The following MYH15 variants were observed in gnomAD, a reference collection of about 807,000 sequenced individuals.
MYH15 encodes the protein myosin-15.
In MYH15, 227 loss-of-function variants were observed where a neutral mutation model predicts 240.5. That is an observed-to-expected ratio of 0.94 (90% CI 0.85 to 1.05). MYH15 has a LOEUF of 1.05. Ranked by LOEUF, MYH15 falls within the 50% of genes least tolerant of loss-of-function variation. The pLI is 0.00. For missense variants in MYH15, 2,217 were observed against 2,247.5 expected (o/e 0.99, Z 0.27); for synonymous variants, 785 against 796.7 (o/e 0.99, Z 0.25).
rs2082539656 is a variant in MYH15 at position 108,405,468 on chromosome 3, T to TA, written c.4621-16dup. ...TCCAGGGCTCCCTGGAATACATAAA[T>TA]AAAAAGCATTAAATGAAGTCCACTT... On this transcript the variant is annotated splice_polypyrimidine_tract_variant and intron_variant, in intron 32 of 40. Transcript: ENST00000693548. 2 of 1,419,684 alleles carry TA rather than the reference T, an allele frequency of 1.4e-6. No individual in the cohort carries two copies. The highest frequency in any genetic ancestry group is 2.1e-5 in the Admixed American group (1 of 46,880). The allele number at this position is 1,419,684 out of a possible 1,614,324, so 87.9% of individuals were successfully genotyped here.
Position 108,421,092 on chromosome 3 carries a change from C to T in MYH15, c.3825G>A (p.Glu1275=). ...LAAQKTKLWS[E]SGEFLRRLEE... ...TCAAGCAGCATACTTACTTACCACT[C>T]TCACTCCACAGCTTTGTCTTTTGTG... The change falls in exon 28 of 41, where the codon GAG becomes GAA. Residue 1275 remains glutamate (E), a synonymous_variant. Transcript: ENST00000693548. The T allele has an allele frequency of 6.2e-7, 1 of 1,614,072 alleles. No individual in the cohort carries two copies. The highest frequency in any genetic ancestry group is 8.5e-7 in the Non-Finnish European group (1 of 1,179,940).
Position 108,460,514 on chromosome 3 carries a change from C to T in MYH15, c.1865-147G>A, listed in dbSNP as rs964709443. The T allele has an allele frequency of 5.5e-6, 3 of 543,020 alleles. No homozygotes were observed. In the African/African-American group the frequency reaches 5.7e-5, roughly 10 times the overall value. The allele number at this position is 543,020 out of a possible 1,614,324, so 33.6% of individuals were successfully genotyped here. ...ACCAAAAGCTTCAAAATATTTATGT[C>T]TTTTATCACAAAATGTATATTTTTA... is the stretch of plus-strand genomic sequence containing the variant. On this transcript the variant is annotated intron_variant, in intron 16 of 40. Coordinates refer to ENST00000693548, the MANE Select transcript of MYH15 (RefSeq NM_014981.3).
intron 12 of MYH15, among the ~76,000 whole-genome samples, chr3:108,473,943 T>G (rs761627019): frequency 9.9e-5 from 15 of 152,194 alleles, no homozygotes; most frequent in Non-Finnish European, 1.9e-4. Flanking sequence ...ATCTACAGTG[T>G]GCAGGACACT....
intron 9 of MYH15, among the ~76,000 whole-genome samples, chr3:108,486,930 A>G (rs988835307): frequency 6.6e-6 from 1 of 152,264 alleles, no homozygotes; most frequent in Non-Finnish European, 1.5e-5. Context: ...AATTATAAGT[A>G]GAACAGACCT....
At chr3:108,437,737 T>C in intron 24 of MYH15, 38 bp from the exon 25 acceptor site, 1 of 1,592,394 alleles carries the variant, frequency 6.3e-7, no homozygotes. Flanking sequence ...AATAAATAGG[T>C]AGAGTTTATA....
At chr3:108,416,094 ATGTC>A (rs2082630813) in intron 29 of MYH15, among the ~76,000 whole-genome samples, 1 of 152,216 alleles carries the variant, frequency 6.6e-6, no homozygotes, top group Non-Finnish European at 1.5e-5. Flanking sequence ...ATCTGGTACA[ATGTC>A]TGATGCACAA....
the MYH15 span, among the ~76,000 whole-genome samples, chr3:108,534,623 T>C: frequency 1.3e-5 from 2 of 151,978 alleles, no homozygotes; most frequent in Admixed American, 6.6e-5. Flanking sequence ...CTCAGCACTT[T>C]CGGAGATCAA....
At chr3:108,437,348 C>T (rs375448735) in intron 25 of MYH15, among the ~76,000 whole-genome samples, 2 of 151,600 alleles carry the variant, frequency 1.3e-5, no homozygotes, top group African/African-American at 4.9e-5. Context: ...TTTTCTGTTA[C>T]GTCCTTCTAG....
At chr3:108,394,228 C>G (rs986415473) in intron 35 of MYH15, 72 bp from the exon 36 acceptor site, 1 of 1,593,100 alleles carries the variant, frequency 6.3e-7, no homozygotes, top group Non-Finnish European at 8.6e-7. Flanking sequence ...CTGTTCAGGA[C>G]ATGCAATGGG....
intron 29 of MYH15, among the ~76,000 whole-genome samples, chr3:108,415,556 CA>C: frequency 6.6e-6 from 1 of 151,890 alleles, no homozygotes. Context: ...CTAAAGAGCC[CA>C]AAAGAAATAA....
intron 11 of MYH15, among the ~76,000 whole-genome samples, chr3:108,479,778 A>G (rs1205006597): frequency 6.6e-6 from 1 of 152,196 alleles, no homozygotes; most frequent in African/African-American, 2.4e-5. Flanking sequence ...GAAACTCAAA[A>G]AGGAATCTTT....
At chr3:108,531,494 G>C (rs2083710050), upstream of MYH15, among the ~76,000 whole-genome samples, 1 of 152,140 alleles carries the variant, frequency 6.6e-6, no homozygotes, top group Admixed American at 6.6e-5. Flanking sequence ...AATGGCCTCT[G>C]ATATGCTGGA....
rs2082334505 is a variant in MYH15, at chr3:108,380,524, G to GAACA, written c.*1017_*1020dup. The GAACA allele has an allele frequency of 6.6e-6, 1 of 152,326 alleles. No individual in the cohort carries two copies. The highest frequency in any genetic ancestry group is 1.5e-5 in the Non-Finnish European group (1 of 68,134). The allele number at this position is 152,326 out of a possible 1,614,324, so 9.4% of individuals were successfully genotyped here. A position where few individuals can be genotyped will look rare whatever the true frequency, so the allele number is the denominator to read the frequency against. Reference sequence around the variant, plus strand: ...AGCAAGGATGAAGGGAAGTCCATAAGAACAAACAGAACCCATGTCTGTCTC... The same window carrying GAACA: ...AGCAAGGATGAAGGGAAGTCCATAAGAACAAACAAACAGAACCCATGTCTGTCTC... On this transcript the variant is annotated 3_prime_UTR_variant, in exon 41 of 41. Transcript: ENST00000693548.
At chr3:108,471,056 G>T (rs930227423) in intron 12 of MYH15, among the ~76,000 whole-genome samples, 2 of 46,458 alleles carry the variant, frequency 4.3e-5, no homozygotes, top group Admixed American at 2.8e-4. Flanking sequence ...GGAGAAAGAG[G>T]AAGGAAGGGA....
the MYH15 span, chr3:108,543,765 GCTGGGT>G: frequency 2.0e-5 from 3 of 152,442 alleles, no homozygotes; most frequent in East Asian, 5.8e-4. Context: ...GCTTTTGCTT[GCTGGGT>G]CTTGCATCTG....
At chr3:108,522,317 T>C (rs1349268189) in intron 1 of MYH15, among the ~76,000 whole-genome samples, 1 of 152,060 alleles carries the variant, frequency 6.6e-6, no homozygotes, top group Non-Finnish European at 1.5e-5. Context: ...AAAGGGTAGA[T>C]AGGTGTGGTG....
chr3:108,445,044 TTGATTC>T, intron 21 of MYH15, 149 bp from the exon 22 acceptor site: 1 of 902,602 alleles, frequency 1.1e-6, no homozygotes, highest in Non-Finnish European at 1.6e-6. Flanking sequence ...GGACTTTCAC[TTGATTC>T]TGGCAAAAAC....
Position 108,426,650 on chromosome 3 carries a change from T to C in MYH15, c.3702+1842A>G, listed in dbSNP as rs192690980. On this transcript the variant is annotated intron_variant, in intron 27 of 40. Coordinates refer to ENST00000693548, the MANE Select transcript of MYH15 (RefSeq NM_014981.3). ...AGAGCCTTGGGGTTCAGGCAGAGAA[T>C]TGCCATGGAAGCAGGACCACCACAG... Among the ~76,000 whole-genome samples the C allele has an allele frequency of 1.8e-3, 273 of 152,288 alleles. 1 individual carries two copies. The highest frequency in any genetic ancestry group is 5.9e-3 in the African/African-American group (247 of 41,550).
rs2082483886 is a variant in MYH15, at chr3:108,398,962, A to G, written c.4929+113T>C. The G allele has an allele frequency of 1.0e-5, 15 of 1,460,560 alleles. No individual in the cohort carries two copies. In the Admixed American group the frequency reaches 1.2e-4, roughly 12 times the overall value. The allele number at this position is 1,460,560 out of a possible 1,614,324, so 90.5% of individuals were successfully genotyped here. A position where few individuals can be genotyped will look rare whatever the true frequency, so the allele number is the denominator to read the frequency against. On this transcript the variant is annotated intron_variant, in intron 34 of 40. Transcript: ENST00000693548. ...AAGCATGCTCCTTCTCTCTGGAAAG[A>G]TTAGATTTGTTGTCCTCATCTTTAC...
Sources: allele counts gnomAD v4.1 joint callset (sites outside exome capture counted in the v4.1 genomes callset), GRCh38; gene constraint gnomAD v4.1.1; transcripts MANE v1.5; gene names NCBI Gene and HGNC (gene_info 2026-07-23, HGNC 2026-07-21).